The following DHX36 variants were observed in gnomAD, a reference collection of about 807,000 sequenced individuals.
The protein encoded by DHX36 is DEAH-box helicase 36.
DHX36 carries 50 observed loss-of-function variants against 139.0 expected under a neutral mutation model. The ratio of observed to expected loss-of-function variants is 0.36; its 90% CI spans 0.29 to 0.46. DHX36 has a LOEUF of 0.46. DHX36 is among the 20% of genes least tolerant of loss of function. The pLI is 1.00. For synonymous variants in DHX36, 425 were observed against 401.9 expected (o/e 1.06, Z -0.69); for missense variants, 1,024 against 1,211.3 (o/e 0.85, Z 2.29).
chr3:154,299,946 C>G (rs1712200706), intron 11 of DHX36, 21 bp from the exon 12 acceptor site: 2 of 1,548,788 alleles, frequency 1.3e-6, no homozygotes. Flanking sequence ...GGGAAATAAC[C>G]ATTACAAAGG....
At position 154,280,603 on chromosome 3, in the gene DHX36, A is replaced by C; in HGVS notation, c.2543T>G (p.Leu848Arg). ...CATTTTTCTTTTTTTACCCAAATTTAGTCGAATTTTAGCAACTTTGGGATA... is the reference window on the plus strand; with the variant it reads ...CATTTTTCTTTTTTTACCCAAATTTCGTCGAATTTTAGCAACTTTGGGATA... ...GLYPKVAKIR[L>R]NLGKKRKMVK... The change falls in exon 22 of 25, where the codon CTA becomes CGA. Residue 848 changes from leucine (L) to arginine (R), a missense_variant. By Grantham distance (102) the Leu-to-Arg change is moderately radical. This residue lies in a region of DHX36 where 470 missense variants were observed against 616.2 expected (regional missense o/e 0.76). Coordinates refer to ENST00000496811, the MANE Select transcript of DHX36 (RefSeq NM_020865.3). 6.2e-7 allele frequency: 1 copy of C among 1,612,030 alleles called. No homozygotes were observed. The highest frequency in any genetic ancestry group is 8.5e-7 in the Non-Finnish European group (1 of 1,179,056).
chr3:154,288,504 A>T (rs982400798), intron 17 of DHX36, among the ~76,000 whole-genome samples: 1 of 152,144 alleles, frequency 6.6e-6, no homozygotes, highest in African/African-American at 2.4e-5. Context: ...GTAAGTAATT[A>T]CTACATAGTC....
At chr3:154,305,751 T>A (rs948254910) in intron 6 of DHX36, among the ~76,000 whole-genome samples, 1 of 152,078 alleles carries the variant, frequency 6.6e-6, no homozygotes, top group African/African-American at 2.4e-5. Context: ...AGCAACAGAG[T>A]GAGAACCTAT....
rs571095814 is a variant in DHX36, at chr3:154,272,874, A to G, written c.*3297T>C. ...TCCTCCTAAAGCTTTTGTATAATTC[A>G]TAACTTTTAGGGGAGGACTTTGTTT... On this transcript the variant is annotated 3_prime_UTR_variant, in exon 25 of 25. Coordinates refer to ENST00000496811, the MANE Select transcript of DHX36 (RefSeq NM_020865.3). 1.3e-5 allele frequency: 2 copies of G among 152,240 alleles called. No homozygotes were observed. The highest frequency in any genetic ancestry group is 4.1e-4 in the South Asian group (2 of 4,828). 9.4% of individuals were successfully genotyped at this position (152,240 alleles called of 1,614,324 possible). A position where few individuals can be genotyped will look rare whatever the true frequency, so the allele number is the denominator to read the frequency against.
chr3:154,316,144 T>C lies in DHX36; in HGVS notation c.263A>G (p.Asp88Gly), dbSNP rs201423228. The change falls in exon 2 of 25, where the codon GAT (aspartate) becomes GGT (glycine). Residue 88 changes from aspartate to glycine, a missense_variant. Physicochemically the swap from Asp to Gly is moderately conservative, Grantham distance 94 (BLOSUM62 -1). This residue lies in a region of DHX36 where 293 missense variants were observed against 274.4 expected (regional missense o/e 1.07). Transcript: ENST00000496811. ...TACAATTTGTTCTTCTCGTCGTTCA[T>C]CCATGTGTACTACAGCTCTCTAGTT... Reference protein sequence around the residue: ...ERQERAVVHMDERREEQIVQL... With the variant: ...ERQERAVVHMGERREEQIVQL... 6 of 1,613,272 alleles carry C rather than the reference T, an allele frequency of 3.7e-6. No homozygotes were observed. Among genetic ancestry groups the C allele is most frequent in the Admixed American group, 1.7e-5 (1 of 59,948 alleles).
At chr3:154,306,135 G>A in intron 6 of DHX36, 81 bp downstream of exon 6, 1 of 1,067,410 alleles carries the variant, frequency 9.4e-7, no homozygotes. Flanking sequence ...ATAAAAATGG[G>A]GAAAATATCC....
Position 154,274,948 on chromosome 3 carries a change from A to G in DHX36, c.*1223T>C, listed in dbSNP as rs974860263. 2.0e-5 allele frequency: 3 copies of G among 152,244 alleles called. No individual in the cohort carries two copies. Among genetic ancestry groups the G allele is most frequent in the East Asian group, 1.9e-4 (1 of 5,190 alleles). 9.4% of individuals were successfully genotyped at this position (152,244 alleles called of 1,614,324 possible). ...GTTACACTATTCCTTGGCGAAGAAGATAAGTAGCAATAAAATAAAAAGTGT... is the reference window on the plus strand; with the variant it reads ...GTTACACTATTCCTTGGCGAAGAAGGTAAGTAGCAATAAAATAAAAAGTGT... On this transcript the variant is annotated 3_prime_UTR_variant, in exon 25 of 25. Coordinates refer to ENST00000496811, the MANE Select transcript of DHX36 (RefSeq NM_020865.3).
intron 12 of DHX36, among the ~76,000 whole-genome samples, chr3:154,298,023 G>A (rs1712110970): frequency 6.6e-6 from 1 of 152,054 alleles, no homozygotes; most frequent in South Asian, 2.1e-4. Context: ...TGATTATCAA[G>A]GCTAAATTTT....
chr3:154,278,242 T>C (rs1719217902), intron 22 of DHX36, among the ~76,000 whole-genome samples: 1 of 152,078 alleles, frequency 6.6e-6, no homozygotes, highest in Non-Finnish European at 1.5e-5. Context: ...TTAAGAATTC[T>C]GTTTAAATTC....
chr3:154,294,684 T>C (rs532632440), intron 13 of DHX36, among the ~76,000 whole-genome samples: 2 of 152,194 alleles, frequency 1.3e-5, no homozygotes, highest in South Asian at 2.1e-4. Context: ...TATTTTCTTA[T>C]AAAAAGAGAA....
intron 1 of DHX36, 56 bp from the exon 2 acceptor site, chr3:154,316,219 A>G: frequency 1.2e-6 from 2 of 1,600,890 alleles, no homozygotes; most frequent in African/African-American, 1.3e-5. Flanking sequence ...ATATGCAAAA[A>G]TTATTTGATA....
rs1045024356 is a variant in DHX36 at position 154,300,642 on chromosome 3, A to G, written c.1413T>C (p.Asp471=). ...VIEMMEDDKV[D]LNLIVALIRY... is the part of the protein sequence containing the mutation. ...GGATGAGGGCAACAATCAAATTCAG[A>G]TCAACTTTATCATCCTCCATCATTT... is the stretch of plus-strand genomic sequence containing the variant. The change falls in exon 11 of 25, where the codon GAT becomes GAC. Residue 471 remains aspartate, a synonymous_variant. Coordinates refer to ENST00000496811, the MANE Select transcript of DHX36 (RefSeq NM_020865.3). 1.1e-5 allele frequency: 17 copies of G among 1,613,786 alleles called. No individual in the cohort carries two copies. The highest frequency in any genetic ancestry group is 1.4e-5 in the Non-Finnish European group (16 of 1,179,916).
intron 15 of DHX36, 69 bp downstream of exon 15, chr3:154,292,482 C>A (rs1711861773): frequency 1.3e-6 from 2 of 1,575,036 alleles, no homozygotes; most frequent in African/African-American, 1.4e-5. Flanking sequence ...TCTTTAAATG[C>A]CAACATCACA....
chr3:154,304,390 T>C (rs1712421450), intron 8 of DHX36, among the ~76,000 whole-genome samples: 1 of 152,164 alleles, frequency 6.6e-6, no homozygotes, highest in African/African-American at 2.4e-5. Context: ...TAAAGTGTTA[T>C]AAAGACTAAG....
In DHX36 at chr3:154,324,372, G is replaced by A; in HGVS notation, c.45C>T (p.Pro15=). The A allele has an allele frequency of 6.3e-7, 1 of 1,589,500 alleles. No homozygotes were observed. Among genetic ancestry groups the A allele is most frequent in the Non-Finnish European group, 8.6e-7 (1 of 1,165,632 alleles). ...YHQNWGRDGG[P]RSSGGGYGGG... Reference sequence around the variant, plus strand: ...CTCCATAGCCCCCACCGGAGCTGCGGGGACCCCCATCACGGCCCCAGTTCT... The same window carrying A: ...CTCCATAGCCCCCACCGGAGCTGCGAGGACCCCCATCACGGCCCCAGTTCT... Residue 15 remains proline (P), a synonymous_variant, in exon 1 of 25, where the codon CCC becomes CCT. Coordinates refer to ENST00000496811, the MANE Select transcript of DHX36 (RefSeq NM_020865.3).
intron 22 of DHX36, among the ~76,000 whole-genome samples, chr3:154,278,055 TGAA>T (rs1719211618): frequency 6.6e-6 from 1 of 152,058 alleles, no homozygotes; most frequent in Non-Finnish European, 1.5e-5. Context: ...ACTATACCAC[TGAA>T]GAATAAATAA....
intron 14 of DHX36, 58 bp downstream of exon 14, chr3:154,293,690 G>A (rs548119176): frequency 6.3e-6 from 8 of 1,263,672 alleles, no homozygotes; most frequent in Admixed American, 3.4e-5. Flanking sequence ...ATATAAACAC[G>A]TTATGGTGTT....
chr3:154,318,940 T>C (rs1057016742), intron 1 of DHX36: 7 of 152,208 alleles, frequency 4.6e-5, no homozygotes, highest in African/African-American at 1.7e-4. Context: ...ATGGAAGGAA[T>C]GAACAGCTGA....
chr3:154,320,925 T>C (rs1713163490), intron 1 of DHX36, among the ~76,000 whole-genome samples: 1 of 152,208 alleles, frequency 6.6e-6, no homozygotes. Flanking sequence ...AATCCAGTCA[T>C]TTCATTCTTT....
Sources: gnomAD v4.1 joint callset for allele counts (sites outside exome capture counted in the v4.1 genomes callset) on GRCh38, gnomAD v4.1.1 for gene constraint, gnomAD v4.1.1 regional missense constraint, MANE v1.5 for transcripts, NCBI Gene and HGNC (gene_info 2026-07-23, HGNC 2026-07-21) for gene names.